DNAJC11: variants seen among roughly 807,000 people sequenced by gnomAD.
DNAJC11 encodes DnaJ heat shock protein family (Hsp40) member C11.
Under a neutral mutation model 78.6 loss-of-function variants are expected in DNAJC11, and 15 were observed. The ratio of observed to expected loss-of-function variants is 0.19; its 90% CI spans 0.13 to 0.29. DNAJC11 has a LOEUF of 0.29. DNAJC11 is among the 10% of genes least tolerant of loss of function. DNAJC11 has a pLI of 1.00. For missense variants in DNAJC11, 547 were observed against 709.6 expected (o/e 0.77, Z 2.60); for synonymous variants, 292 against 272.1 (o/e 1.07, Z -0.72).
chr1:6,699,560 C>T lies in DNAJC11; in HGVS notation c.72+2169G>A, dbSNP rs188149059. ...GCTGGCTTCATTTATTGCTTGACTTCTAAAAACTGGAAAAAAAGTATAACT... is the reference window on the plus strand; with the variant it reads ...GCTGGCTTCATTTATTGCTTGACTTTTAAAAACTGGAAAAAAAGTATAACT... On this transcript the variant is annotated intron_variant, in intron 1 of 15. Coordinates refer to ENST00000377577, the MANE Select transcript of DNAJC11 (RefSeq NM_018198.4). 1.2e-4 allele frequency among the ~76,000 whole-genome samples: 18 copies of T among 152,164 alleles called. No homozygotes were observed. The South Asian group carries it at 2.3e-3, about 19-fold the overall frequency.
Position 6,636,222 on chromosome 1 carries a change from G to A in DNAJC11, c.1549C>T (p.Pro517Ser). 1 of 1,614,046 alleles carries A rather than the reference G, an allele frequency of 6.2e-7. No homozygotes were observed. The highest frequency in any genetic ancestry group is 8.5e-7 in the Non-Finnish European group (1 of 1,180,006). ...AGGTTCTTCTCTTCCCCCACACACG[G>A]GTCATAAAAGCCAGGCAGCCCAGCC... ...SKAGLPGFYD[P>S]CVGEEKNLKV... The change falls in exon 15 of 16, where the codon CCG becomes TCG. Residue 517 changes from proline to serine, a missense_variant. By Grantham distance (74) the Pro-to-Ser change is moderately conservative. Transcript: ENST00000377577.
chr1:6,700,428 C>CAGA (rs1642907403), intron 1 of DNAJC11, among the ~76,000 whole-genome samples: 1 of 152,150 alleles, frequency 6.6e-6, no homozygotes, highest in South Asian at 2.1e-4. Context: ...GATACAGTAC[C>CAGA]AGAACTAGCA....
At chr1:6,644,735 T>C in intron 9 of DNAJC11, 61 bp from the exon 10 acceptor site, 5 of 1,444,958 alleles carry the variant, frequency 3.5e-6, no homozygotes, top group Non-Finnish European at 4.9e-6. Context: ...GGGGCAGCTG[T>C]CATTTGAGAA....
chr1:6,635,978 G>C (rs879663065), intron 15 of DNAJC11, 139 bp downstream of exon 15: 10 of 1,277,254 alleles, frequency 7.8e-6, no homozygotes, highest in Non-Finnish European at 1.1e-5. Context: ...GTGAATCATG[G>C]GTCAAGGGCT....
At chr1:6,696,304 G>A (rs1400455341) in intron 1 of DNAJC11, among the ~76,000 whole-genome samples, 2 of 152,308 alleles carry the variant, frequency 1.3e-5, no homozygotes, top group South Asian at 4.1e-4. Flanking sequence ...CAATAAATGT[G>A]TAAACACACA....
chr1:6,639,504 A>AT (rs987458976), intron 11 of DNAJC11, among the ~76,000 whole-genome samples: 15 of 150,988 alleles, frequency 9.9e-5, no homozygotes, highest in Non-Finnish European at 1.6e-4. Flanking sequence ...TAATTTTTCT[A>AT]TTTTTTTAGT....
rs74511246 is a variant in DNAJC11, at chr1:6,637,154, C to T, written c.1524+44G>A. 7.2e-3 allele frequency: 11,603 copies of T among 1,612,036 alleles called. 52 individuals are homozygous for T. The highest frequency in any genetic ancestry group is 8.0e-3 in the Non-Finnish European group (9,436 of 1,179,302). ...CCTGAGTCACCGCGCCCAGCCTGTT[C>T]AAATCTGTGAGCACATAGCATGTGG... is the stretch of plus-strand genomic sequence containing the variant. On this transcript the variant is annotated intron_variant, in intron 14 of 15. Coordinates refer to ENST00000377577, the MANE Select transcript of DNAJC11 (RefSeq NM_018198.4).
chr1:6,695,994 T>A (rs1642830458), intron 1 of DNAJC11, among the ~76,000 whole-genome samples: 1 of 152,192 alleles, frequency 6.6e-6, no homozygotes, highest in African/African-American at 2.4e-5. Context: ...AAGTAGAGGC[T>A]GAGGTTAAAT....
At chr1:6,657,533 G>A (rs1361958036) in intron 4 of DNAJC11, among the ~76,000 whole-genome samples, 1 of 152,220 alleles carries the variant, frequency 6.6e-6, no homozygotes, top group African/African-American at 2.4e-5. Flanking sequence ...ATTATTGTTG[G>A]AAGCCACCAA....
Position 6,680,764 on chromosome 1 carries a change from AC to A in DNAJC11, c.202+143del, listed in dbSNP as rs1169094091. ...AAGCAAAATACTATTCTTTCAAAGG[AC>A]CCTGTCAGTGAAAAGTACTAAACTA... On this transcript the variant is annotated intron_variant, in intron 2 of 15. Transcript: ENST00000377577. The surrounding 1 kb of genome is among the most constrained non-coding windows in gnomAD (Gnocchi z 4.0). 1.1e-6 allele frequency: 1 copy of A among 935,928 alleles called. No individual in the cohort carries two copies. The highest frequency in any genetic ancestry group is 1.6e-5 in the African/African-American group (1 of 60,920). 58.0% of individuals were successfully genotyped at this position (935,928 alleles called of 1,614,324 possible). A position where few individuals can be genotyped will look rare whatever the true frequency, so the allele number is the denominator to read the frequency against.
chr1:6,644,832 G>A (rs1379677781), intron 9 of DNAJC11, among the ~76,000 whole-genome samples, 158 bp from the exon 10 acceptor site: 1 of 152,214 alleles, frequency 6.6e-6, no homozygotes. Flanking sequence ...GGACACCCAT[G>A]GTCTAGTTCT....
rs535300535 is a variant in DNAJC11, at chr1:6,635,366, G to C, written c.*309C>G. 3.2e-6 allele frequency: 1 copy of C among 309,156 alleles called. No homozygotes were observed. The allele number at this position is 309,156 out of a possible 1,614,324, so 19.2% of individuals were successfully genotyped here. ...CAAGAACTACAGGGCGGCGGGCTGC[G>C]GTCAGCACGTGTGCTCGGGACACAG... is the stretch of plus-strand genomic sequence containing the variant. On this transcript the variant is annotated 3_prime_UTR_variant, in exon 16 of 16. Transcript: ENST00000377577.
intron 1 of DNAJC11, among the ~76,000 whole-genome samples, chr1:6,696,345 T>G (rs1209274673): frequency 1.3e-5 from 2 of 152,246 alleles, no homozygotes; most frequent in Non-Finnish European, 2.9e-5. Context: ...TTTGAGTCGC[T>G]CAAATTGGCA....
intron 4 of DNAJC11, 186 bp from the exon 5 acceptor site, chr1:6,654,225 C>T: frequency 1.8e-6 from 1 of 546,626 alleles, no homozygotes. Context: ...AACCAAACTG[C>T]AGAGCACCAC....
At chr1:6,700,596 C>T (rs1642909584) in intron 1 of DNAJC11, among the ~76,000 whole-genome samples, 1 of 152,146 alleles carries the variant, frequency 6.6e-6, no homozygotes, top group Admixed American at 6.5e-5. Flanking sequence ...GCCTTGGTTT[C>T]CTCAAGTGTA....
At chr1:6,697,735 T>C (rs1489525503) in intron 1 of DNAJC11, among the ~76,000 whole-genome samples, 1 of 152,168 alleles carries the variant, frequency 6.6e-6, no homozygotes, top group African/African-American at 2.4e-5. Context: ...GTTTAAATCC[T>C]GGAGAGGGAG....
At chr1:6,687,748 A>G (rs1642680669) in intron 1 of DNAJC11, among the ~76,000 whole-genome samples, 1 of 152,156 alleles carries the variant, frequency 6.6e-6, no homozygotes, top group Non-Finnish European at 1.5e-5. Flanking sequence ...CATGTAGAAT[A>G]TCTTTGGAAA....
At position 6,645,226 on chromosome 1, in the gene DNAJC11, C is replaced by T; in HGVS notation, c.895-100G>A. On this transcript the variant is annotated intron_variant, in intron 8 of 15. Coordinates refer to ENST00000377577, the MANE Select transcript of DNAJC11 (RefSeq NM_018198.4). This position sits in a 1 kb window ranked among gnomAD's most constrained non-coding sequence, Gnocchi z 4.1. The stretch of plus-strand genomic sequence containing the variant: ...ACTAGCTCTGGGCATCTGCTGCACA[C>T]AGGCCTTTAAGGCAGGGGTCACGGT... The T allele has an allele frequency of 2.1e-6, 2 of 931,140 alleles. No individual in the cohort carries two copies. Among genetic ancestry groups the T allele is most frequent in the Admixed American group, 3.6e-5 (2 of 55,838 alleles). The allele number at this position is 931,140 out of a possible 1,614,324, so 57.7% of individuals were successfully genotyped here.
chr1:6,639,982 A>G lies in DNAJC11; in HGVS notation c.1173T>C (p.Tyr391=). The change falls in exon 11 of 16, where the codon TAT becomes TAC. Residue 391 remains tyrosine (Y), a synonymous_variant. Transcript: ENST00000377577. The part of the protein sequence containing the change: ...TDQLLPSAMF[Y]ATVGPLVVYF... ...AGACCACTAGAGGCCCCACGGTGGC[A>G]TAGAACATGGCGCTGGGCAGAAGCT... The G allele has an allele frequency of 1.2e-6, 2 of 1,612,532 alleles. No homozygotes were observed. The highest frequency in any genetic ancestry group is 2.2e-5 in the South Asian group (2 of 90,936).
Sources: allele counts gnomAD v4.1 joint callset (sites outside exome capture counted in the v4.1 genomes callset), GRCh38; gene constraint gnomAD v4.1.1; non-coding constraint Gnocchi (gnomAD v3.1); transcripts MANE v1.5; gene names NCBI Gene and HGNC (gene_info 2026-07-23, HGNC 2026-07-21).